WNT2B: variants seen among roughly 807,000 people sequenced by gnomAD.
WNT2B encodes protein Wnt-2b.
In WNT2B, 19 loss-of-function variants were observed where a neutral mutation model predicts 40.5. The ratio of observed to expected loss-of-function variants is 0.47; its 90% CI spans 0.33 to 0.69. The LOEUF is 0.69. Among genes scored for constraint, WNT2B ranks in the 30% least tolerant of loss-of-function variants. The pLI, the probability that WNT2B is intolerant of heterozygous loss-of-function variation, is 0.02. For missense variants in WNT2B, 467 were observed against 556.4 expected, an observed-to-expected ratio of 0.84 and a Z score of 1.62; for synonymous variants, 220 against 211.9, an observed-to-expected ratio of 1.04 and a Z score of -0.33.
chr1:112,518,730 T>C (rs900166680), intron 4 of WNT2B, among the ~76,000 whole-genome samples: 7 of 152,136 alleles, frequency 4.6e-5, no homozygotes, highest in African/African-American at 1.7e-4. Context: ...CAAATGTGTG[T>C]TCGTTTTTCT....
intron 1 of WNT2B, among the ~76,000 whole-genome samples, chr1:112,496,010 C>T (rs1651755570): frequency 1.3e-5 from 2 of 152,146 alleles, no homozygotes. Context: ...CAGGAGGGCT[C>T]CACCCTCATA....
chr1:112,490,977 G>C, intron 1 of WNT2B: 1 of 1,601,910 alleles, frequency 6.2e-7, no homozygotes, highest in African/African-American at 1.3e-5. Flanking sequence ...CATTTATTAT[G>C]TTAAATTGCG....
intron 1 of WNT2B, among the ~76,000 whole-genome samples, chr1:112,479,783 T>C (rs1315913569): frequency 6.6e-6 from 1 of 151,876 alleles, no homozygotes; most frequent in Non-Finnish European, 1.5e-5. Flanking sequence ...GCATCTCTGC[T>C]CACTGCAAGC....
chr1:112,495,430 C>CAAAAAAAAA (rs796075579), intron 1 of WNT2B, among the ~76,000 whole-genome samples: 3 of 150,198 alleles, frequency 2.0e-5, no homozygotes, highest in Non-Finnish European at 1.5e-5. Flanking sequence ...ACAAAAAAAA[C>CAAAAAAAAA]AAAAAAAAAT....
intron 1 of WNT2B, among the ~76,000 whole-genome samples, chr1:112,472,904 C>T (rs1239983788): frequency 6.9e-6 from 1 of 143,976 alleles, no homozygotes; most frequent in African/African-American, 2.6e-5. Flanking sequence ...TTGATGCTGC[C>T]GTGAGTTGTG....
chr1:112,517,289 T>C lies in WNT2B; in HGVS notation c.850T>C (p.Phe284Leu). Reference protein sequence around the residue: ...QVMATQDGANFTAARQGYRRA... With the variant: ...QVMATQDGANLTAARQGYRRA... ...GATGGCCACCCAAGATGGTGCCAAC[T>C]TCACCGCAGCCCGCCAAGGCTATCG... is the stretch of plus-strand genomic sequence containing the variant. Residue 284 changes from phenylalanine to leucine, a missense_variant, in exon 4 of 5, where the codon TTC (phenylalanine) becomes CTC (leucine). Physicochemically the swap from Phe to Leu is conservative, Grantham distance 22 (BLOSUM62 0). Transcript: ENST00000369684. The C allele has an allele frequency of 6.2e-7, 1 of 1,614,236 alleles. No individual in the cohort carries two copies. The highest frequency in any genetic ancestry group is 8.5e-7 in the Non-Finnish European group (1 of 1,180,026).
intron 1 of WNT2B, among the ~76,000 whole-genome samples, chr1:112,492,325 C>A (rs1651628038): frequency 6.6e-6 from 1 of 152,206 alleles, no homozygotes. Flanking sequence ...ATTGCAGAGA[C>A]AGGCAGGCAA....
intron 1 of WNT2B, among the ~76,000 whole-genome samples, chr1:112,494,277 T>C (rs1244966235): frequency 6.6e-6 from 1 of 151,138 alleles, no homozygotes; most frequent in Non-Finnish European, 1.5e-5. Context: ...GCCACTGCAC[T>C]CTAGCCTGGG....
At position 112,509,571 on chromosome 1, in the gene WNT2B, T is replaced by C. The variant is rs964017984; in HGVS notation, c.182+127T>C. The C allele has an allele frequency of 4.5e-5, 48 of 1,063,880 alleles. No individual in the cohort carries two copies. Among genetic ancestry groups the C allele is most frequent in the Non-Finnish European group, 5.9e-5 (47 of 794,286 alleles). The allele number at this position is 1,063,880 out of a possible 1,614,324, so 65.9% of individuals were successfully genotyped here. A position where few individuals can be genotyped will look rare whatever the true frequency, so the allele number is the denominator to read the frequency against. ...GGGTTGGAGACGATTCGGGCAGGAC[T>C]GTCACTGAAATCTGAAGTCGCGGGG... On this transcript the variant is annotated intron_variant, in intron 1 of 4. Coordinates refer to ENST00000369684, the MANE Select transcript of WNT2B (RefSeq NM_024494.3). The surrounding 1 kb of genome is among the most constrained non-coding windows in gnomAD (Gnocchi z 4.2).
At chr1:112,485,160 A>G (rs968488302) in intron 1 of WNT2B, among the ~76,000 whole-genome samples, 2 of 152,226 alleles carry the variant, frequency 1.3e-5, no homozygotes, top group Non-Finnish European at 2.9e-5. Flanking sequence ...AGCTTTTTAT[A>G]AAGTTATAGT....
At chr1:112,497,232 C>T (rs371532979) in intron 1 of WNT2B, among the ~76,000 whole-genome samples, 14 of 152,320 alleles carry the variant, frequency 9.2e-5, no homozygotes, top group African/African-American at 2.9e-4. Context: ...CACAACTCCA[C>T]TAGGTATTGC....
chr1:112,475,171 GTTCATTA>G (rs1428078082), intron 1 of WNT2B, among the ~76,000 whole-genome samples: 2 of 151,874 alleles, frequency 1.3e-5, no homozygotes, highest in Non-Finnish European at 2.9e-5. Context: ...TCTCCTCTTG[GTTCATTA>G]TTGGGTGTGC....
chr1:112,511,195 T>G, intron 1 of WNT2B, among the ~76,000 whole-genome samples: 1 of 146,928 alleles, frequency 6.8e-6, no homozygotes, highest in African/African-American at 2.5e-5. Flanking sequence ...TCCCCTGATG[T>G]GGTTCATATT....
intron 1 of WNT2B, among the ~76,000 whole-genome samples, chr1:112,489,883 T>C (rs1651544811): frequency 6.6e-6 from 1 of 152,184 alleles, no homozygotes; most frequent in African/African-American, 2.4e-5. Context: ...GGAAGAGAAC[T>C]TCAGTCTCCA....
chr1:112,482,482 CA>C (rs1323038015), intron 1 of WNT2B, among the ~76,000 whole-genome samples: 1 of 152,092 alleles, frequency 6.6e-6, no homozygotes, highest in Non-Finnish European at 1.5e-5. Flanking sequence ...ACTACAGGCA[CA>C]TGCCACCAGC....
upstream of WNT2B, among the ~76,000 whole-genome samples, chr1:112,507,368 T>C (rs1652140001): frequency 6.6e-6 from 1 of 152,104 alleles, no homozygotes; most frequent in Non-Finnish European, 1.5e-5. Context: ...TCCTGGCATG[T>C]GGTAGGAAAT....
chr1:112,484,277 A>ATATC (rs1651339819), intron 1 of WNT2B, among the ~76,000 whole-genome samples: 1 of 136,450 alleles, frequency 7.3e-6, no homozygotes. Flanking sequence ...ATACACATAT[A>ATATC]TATATATATA....
upstream of WNT2B, among the ~76,000 whole-genome samples, chr1:112,506,757 C>G (rs1224125574): frequency 1.3e-5 from 2 of 152,184 alleles, no homozygotes; most frequent in East Asian, 3.8e-4. Context: ...CTGGAGCCCA[C>G]CCGACAAAAA....
Position 112,528,174 on chromosome 1 carries a change from G to C in WNT2B, c.*7665G>C, listed in dbSNP as rs1653772166. ...TTGAATTTTTAAAAGATAGCTTTAT[G>C]TGTTTTATGAACTGACTGAGGGCAG... On this transcript the variant is annotated 3_prime_UTR_variant, in exon 5 of 5. Coordinates refer to ENST00000369684, the MANE Select transcript of WNT2B (RefSeq NM_024494.3). The C allele has an allele frequency of 6.6e-6, 1 of 152,156 alleles. No homozygotes were observed. Among genetic ancestry groups the C allele is most frequent in the African/African-American group, 2.4e-5 (1 of 41,426 alleles). 9.4% of individuals were successfully genotyped at this position (152,156 alleles called of 1,614,324 possible).
Sources: gnomAD v4.1 joint callset for allele counts (sites outside exome capture counted in the v4.1 genomes callset) on GRCh38, gnomAD v4.1.1 for gene constraint, Gnocchi (gnomAD v3.1) non-coding constraint, MANE v1.5 for transcripts, NCBI Gene and HGNC (gene_info 2026-07-23, HGNC 2026-07-21) for gene names.